The following FNDC3B variants were observed in gnomAD, a reference collection of about 807,000 sequenced individuals.
FNDC3B encodes fibronectin type III domain-containing protein 3B.
FNDC3B carries 12 observed loss-of-function variants against 151.5 expected under a neutral mutation model. The observed-to-expected ratio is 0.08, with a 90% CI of 0.05 to 0.13. The LOEUF (loss-of-function observed/expected upper bound fraction) is 0.13. FNDC3B is among the 10% of genes least tolerant of loss of function. The pLI is 1.00. For missense variants in FNDC3B, 1,214 were observed against 1,505.3 expected (o/e 0.81, Z 3.20); for synonymous variants, 528 against 549.0 (o/e 0.96, Z 0.54).
At chr3:172,068,172 C>G (rs548017906) in intron 1 of FNDC3B, among the ~76,000 whole-genome samples, 15 of 152,276 alleles carry the variant, frequency 9.9e-5, no homozygotes, top group Admixed American at 3.9e-4. Flanking sequence ...CCTATTCCCC[C>G]CAGTGGACTC....
At position 172,244,568 on chromosome 3, in the gene FNDC3B, A is replaced by ATAT. The variant is rs569633539; in HGVS notation, c.265-2963_265-2961dup. On this transcript the variant is annotated intron_variant, in intron 4 of 25. Coordinates refer to ENST00000415807, the MANE Select transcript of FNDC3B (RefSeq NM_022763.4). ...TTTATGTTATAGAAAAATGGTAAAA[A>ATAT]TATTCACATATTTTTTATATTTCTA... Among the ~76,000 whole-genome samples, 3 of 151,242 alleles carry ATAT rather than the reference A, an allele frequency of 2.0e-5. No homozygotes were observed. The South Asian group carries it at 6.3e-4, about 32-fold the overall frequency.
At chr3:172,331,453 G>A (rs1235132472) in intron 13 of FNDC3B, among the ~76,000 whole-genome samples, 1 of 152,168 alleles carries the variant, frequency 6.6e-6, no homozygotes, top group Admixed American at 6.5e-5. Context: ...CGCCTCCCAA[G>A]TTCATGCCAT....
chr3:172,375,582 A>ATTTT (rs1367001912), intron 23 of FNDC3B, among the ~76,000 whole-genome samples: 2 of 152,198 alleles, frequency 1.3e-5, no homozygotes, highest in Admixed American at 6.5e-5. Flanking sequence ...TGAGAACAAA[A>ATTTT]TAAAAGAGCT....
At chr3:172,151,037 T>C (rs951140709) in intron 3 of FNDC3B, among the ~76,000 whole-genome samples, 2 of 152,258 alleles carry the variant, frequency 1.3e-5, no homozygotes, top group African/African-American at 4.8e-5. Flanking sequence ...TGTAGAAATA[T>C]GACTAATTTG....
chr3:172,130,950 T>C (rs987143486), intron 2 of FNDC3B, among the ~76,000 whole-genome samples: 11 of 152,234 alleles, frequency 7.2e-5, no homozygotes, highest in African/African-American at 2.4e-4. Flanking sequence ...ATTACAGTGA[T>C]GCTAGAATTG....
At chr3:172,181,827 CAAA>C (rs747723219) in intron 3 of FNDC3B, among the ~76,000 whole-genome samples, 68 of 61,588 alleles carry the variant, frequency 1.1e-3, no homozygotes, top group African/African-American at 2.9e-3. Flanking sequence ...GACTCCATCT[CAAA>C]AAAAAAAAAA....
intron 3 of FNDC3B, among the ~76,000 whole-genome samples, chr3:172,143,695 G>A (rs1721748031): frequency 6.6e-6 from 1 of 151,916 alleles, no homozygotes; most frequent in Non-Finnish European, 1.5e-5. Flanking sequence ...CGGATCATGA[G>A]GTCAAGAGAT....
At chr3:172,041,227 T>C (rs1186134989) in intron 1 of FNDC3B, among the ~76,000 whole-genome samples, 2 of 152,172 alleles carry the variant, frequency 1.3e-5, no homozygotes, top group Non-Finnish European at 2.9e-5. Flanking sequence ...TGAGGTCTTT[T>C]GTTGGGTGGG....
chr3:172,100,018 T>G (rs1347559821), intron 1 of FNDC3B, among the ~76,000 whole-genome samples: 4 of 152,258 alleles, frequency 2.6e-5, no homozygotes, highest in African/African-American at 4.8e-5. Flanking sequence ...TCTGCTTCTT[T>G]GAGTTTATTG....
In FNDC3B at chr3:172,211,000, CT is replaced by C. The variant is rs568024785; in HGVS notation, c.188-15868del. Among the ~76,000 whole-genome samples, 46 of 152,290 alleles carry C rather than the reference CT, an allele frequency of 3.0e-4. 1 individual carries two copies. The highest frequency in any genetic ancestry group is 1.1e-3 in the African/African-American group (45 of 41,580). ...GAAAATTAGAGTTTCTTGTTCAATG[CT>C]TTACTACTCTGCTGTTCCAGAAACC... On this transcript the variant is annotated intron_variant, in intron 3 of 25. Coordinates refer to ENST00000415807, the MANE Select transcript of FNDC3B (RefSeq NM_022763.4).
At chr3:172,353,654 A>G (rs561676329) in intron 22 of FNDC3B, among the ~76,000 whole-genome samples, 2 of 152,362 alleles carry the variant, frequency 1.3e-5, no homozygotes, top group Admixed American at 1.3e-4. Flanking sequence ...TCCACGTACC[A>G]GAAAGCACCT....
At chr3:172,390,318 G>A (rs576431765) in intron 25 of FNDC3B, among the ~76,000 whole-genome samples, 11 of 152,242 alleles carry the variant, frequency 7.2e-5, no homozygotes, top group Admixed American at 2.6e-4. Flanking sequence ...TTAGACTTTC[G>A]TTAAGAAAGT....
rs545521742 is a variant in FNDC3B, at chr3:172,132,247, A to G, written c.112-1224A>G. Among the ~76,000 whole-genome samples, 8 of 152,294 alleles carry G rather than the reference A, an allele frequency of 5.3e-5. No individual in the cohort carries two copies. The East Asian group carries it at 1.4e-3, about 26-fold the overall frequency. ...GAAGAGTATCACAGACAGAGGAAAC[A>G]GTATGCTTGACAGTTTCAAGCCAGG... On this transcript the variant is annotated intron_variant, in intron 2 of 25. Coordinates refer to ENST00000415807, the MANE Select transcript of FNDC3B (RefSeq NM_022763.4).
At chr3:172,078,755 C>G (rs1454845154) in intron 1 of FNDC3B, among the ~76,000 whole-genome samples, 2 of 152,118 alleles carry the variant, frequency 1.3e-5, no homozygotes. Context: ...AGCTTTCTGC[C>G]CGCTGCCACC....
intron 3 of FNDC3B, among the ~76,000 whole-genome samples, chr3:172,203,255 T>A (rs1576794302): frequency 1.3e-5 from 2 of 152,396 alleles, no homozygotes; most frequent in East Asian, 3.9e-4. Flanking sequence ...TTGTAATTTC[T>A]TGTTAAAATT....
intron 1 of FNDC3B, among the ~76,000 whole-genome samples, chr3:172,081,303 G>C (rs1300704173): frequency 6.6e-6 from 1 of 151,652 alleles, no homozygotes; most frequent in East Asian, 1.9e-4. Flanking sequence ...CCTTGGTGTC[G>C]GTGGCATTTC....
chr3:172,202,118 C>T (rs139815173), intron 3 of FNDC3B, among the ~76,000 whole-genome samples: 497 of 152,280 alleles, frequency 3.3e-3, no homozygotes, highest in Admixed American at 5.2e-3. Context: ...ATCACATATG[C>T]CAGATTTCCA....
In FNDC3B at chr3:172,399,175, G is replaced by C. The variant is rs966190203; in HGVS notation, c.*1700G>C. Reference sequence around the variant, plus strand: ...TTATTTATACTATATTCTGCATACAGTACTTTAAATGCCAATTACAGTGCA... The same window carrying C: ...TTATTTATACTATATTCTGCATACACTACTTTAAATGCCAATTACAGTGCA... On this transcript the variant is annotated 3_prime_UTR_variant, in exon 26 of 26. Coordinates refer to ENST00000415807, the MANE Select transcript of FNDC3B (RefSeq NM_022763.4). 6.6e-6 allele frequency: 1 copy of C among 152,594 alleles called. No individual in the cohort carries two copies. The highest frequency in any genetic ancestry group is 1.5e-5 in the Non-Finnish European group (1 of 68,022). 9.5% of individuals were successfully genotyped at this position (152,594 alleles called of 1,614,324 possible).
chr3:172,340,492 G>A (rs1319892669), intron 16 of FNDC3B, among the ~76,000 whole-genome samples: 1 of 152,062 alleles, frequency 6.6e-6, no homozygotes, highest in African/African-American at 2.4e-5. Context: ...CGCCAGGTTG[G>A]CCAGACTGGT....
Sources: allele counts gnomAD v4.1 joint callset (sites outside exome capture counted in the v4.1 genomes callset), GRCh38; gene constraint gnomAD v4.1.1; transcripts MANE v1.5; gene names NCBI Gene and HGNC (gene_info 2026-07-23, HGNC 2026-07-21).